The following RAD51B variants were observed in gnomAD, a reference collection of about 807,000 sequenced individuals.
RAD51B encodes the protein RAD51 paralog B.
Under a neutral mutation model 42.2 loss-of-function variants are expected in RAD51B, and 38 were observed. That is an observed-to-expected ratio of 0.90 (90% CI 0.70 to 1.18). RAD51B has a LOEUF of 1.18. RAD51B is among the 50% of genes most tolerant of loss of function. The pLI is 0.00. For synonymous variants in RAD51B, 154 were observed against 145.2 expected, an observed-to-expected ratio of 1.06 and a Z score of -0.43; for missense variants, 373 against 400.7, an observed-to-expected ratio of 0.93 and a Z score of 0.59.
intron 10 of RAD51B, among the ~76,000 whole-genome samples, chr14:68,510,958 G>A (rs1169346533): frequency 6.6e-6 from 1 of 152,178 alleles, no homozygotes; most frequent in Non-Finnish European, 1.5e-5. Flanking sequence ...GGAAGGGACA[G>A]GACAAGCAGC....
intron 7 of RAD51B, among the ~76,000 whole-genome samples, chr14:67,941,519 C>CT (rs1162811837): frequency 1.3e-5 from 2 of 152,174 alleles, no homozygotes; most frequent in Non-Finnish European, 2.9e-5. Flanking sequence ...TGCTATGCCT[C>CT]TGCCACAAGC....
chr14:68,443,066 T>A (rs1262399533), intron 9 of RAD51B, among the ~76,000 whole-genome samples: 3 of 152,192 alleles, frequency 2.0e-5, no homozygotes, highest in African/African-American at 4.8e-5. Context: ...TTACTTGGCC[T>A]CTTGCTTAAG....
At position 67,820,863 on chromosome 14, in the gene RAD51B, A is replaced by G. The variant is rs192123922; in HGVS notation, c.-3+1010A>G. Among the ~76,000 whole-genome samples, 586 of 152,328 alleles carry G rather than the reference A, an allele frequency of 3.8e-3. 2 individuals are homozygous for G. Among genetic ancestry groups the G allele is most frequent in the Non-Finnish European group, 5.1e-3 (350 of 68,038 alleles). Reference sequence around the variant, plus strand: ...TGAAGTAGTAAATTCATATGACTGTAAAACAAGGGTTTTAAGGAAATTAAG... The same window carrying G: ...TGAAGTAGTAAATTCATATGACTGTGAAACAAGGGTTTTAAGGAAATTAAG... On this transcript the variant is annotated intron_variant, in intron 1 of 10. Coordinates refer to ENST00000471583, the MANE Select transcript of RAD51B (RefSeq NM_133510.4).
chr14:68,605,273 G>A (rs143064743), intron 10 of RAD51B, among the ~76,000 whole-genome samples: 94 of 152,326 alleles, frequency 6.2e-4, no homozygotes, highest in African/African-American at 2.1e-3. Flanking sequence ...CAGAATGCTC[G>A]TTCCCTGGTG....
chr14:67,982,675 A>G (rs1278664222), intron 7 of RAD51B, among the ~76,000 whole-genome samples: 1 of 151,060 alleles, frequency 6.6e-6, no homozygotes, highest in African/African-American at 2.5e-5. Context: ...ATCTTTATCT[A>G]TCAATATTTT....
chr14:68,102,198 G>T (rs894371469), intron 7 of RAD51B, among the ~76,000 whole-genome samples: 1 of 152,208 alleles, frequency 6.6e-6, no homozygotes, highest in African/African-American at 2.4e-5. Context: ...CTCTGGGCCT[G>T]TGATGGGTGG....
chr14:68,035,956 T>C (rs1338548952), intron 7 of RAD51B, among the ~76,000 whole-genome samples: 1 of 152,214 alleles, frequency 6.6e-6, no homozygotes, highest in Non-Finnish European at 1.5e-5. Context: ...ATGATCTAGA[T>C]GGCAGTTTAT....
intron 7 of RAD51B, among the ~76,000 whole-genome samples, chr14:68,267,677 T>C (rs2139572163): frequency 6.6e-6 from 1 of 152,332 alleles, no homozygotes; most frequent in East Asian, 1.9e-4. Flanking sequence ...AAAAATATTT[T>C]GCTTATGGGC....
intron 7 of RAD51B, among the ~76,000 whole-genome samples, chr14:67,916,788 C>T (rs1352037911): frequency 1.3e-5 from 2 of 152,156 alleles, no homozygotes; most frequent in African/African-American, 4.8e-5. Context: ...CTTAATTCAA[C>T]AAATATTATT....
intron 9 of RAD51B, among the ~76,000 whole-genome samples, chr14:68,417,978 T>A (rs1376148787): frequency 6.6e-6 from 1 of 152,162 alleles, no homozygotes; most frequent in Non-Finnish European, 1.5e-5. Flanking sequence ...ATAGACCGTG[T>A]ACCTTTGCTA....
At chr14:68,568,324 A>C (rs1008585361) in intron 10 of RAD51B, among the ~76,000 whole-genome samples, 5 of 152,236 alleles carry the variant, frequency 3.3e-5, no homozygotes, top group African/African-American at 7.2e-5. Context: ...ATATTCCAGC[A>C]AAAAGGGACA....
At chr14:68,599,248 C>A (rs1294783350), downstream of RAD51B, among the ~76,000 whole-genome samples, 1 of 152,166 alleles carries the variant, frequency 6.6e-6, no homozygotes, top group Admixed American at 6.5e-5. Context: ...AAGGATGTTG[C>A]CATACGAAAC....
rs191816008 is a variant in RAD51B, at chr14:68,094,389, A to T, written c.757-197495A>T. ...CTCAAATACAGTGTGATAGTTTGGTATGCACTAGAGGGCCATGCTGTATCA... is the reference window on the plus strand; with the variant it reads ...CTCAAATACAGTGTGATAGTTTGGTTTGCACTAGAGGGCCATGCTGTATCA... On this transcript the variant is annotated intron_variant, in intron 7 of 10. Coordinates refer to ENST00000471583, the MANE Select transcript of RAD51B (RefSeq NM_133510.4). Among the ~76,000 whole-genome samples the T allele has an allele frequency of 2.0e-5, 3 of 152,322 alleles. No homozygotes were observed. The East Asian group carries it at 5.8e-4, about 29-fold the overall frequency.
chr14:68,067,766 CA>C (rs535541711), intron 7 of RAD51B, among the ~76,000 whole-genome samples: 1 of 150,688 alleles, frequency 6.6e-6, no homozygotes, highest in Non-Finnish European at 1.5e-5. Flanking sequence ...CCCATCTTTA[CA>C]AAAAATACAA....
chr14:68,459,813 TCCTACCA>T (rs2085798019), intron 9 of RAD51B, among the ~76,000 whole-genome samples: 1 of 152,208 alleles, frequency 6.6e-6, no homozygotes, highest in Non-Finnish European at 1.5e-5. Flanking sequence ...AGAAAGCCAG[TCCTACCA>T]CCTGTCCTTA....
intron 8 of RAD51B, among the ~76,000 whole-genome samples, chr14:68,362,635 A>G (rs1009187505): frequency 3.9e-5 from 6 of 152,110 alleles, no homozygotes; most frequent in Non-Finnish European, 7.4e-5. Flanking sequence ...GGATCACGAG[A>G]TCAGGAGATC....
intron 7 of RAD51B, among the ~76,000 whole-genome samples, chr14:68,284,026 AT>A (rs904885316): frequency 7.2e-5 from 11 of 151,782 alleles, no homozygotes; most frequent in Non-Finnish European, 1.0e-4. Context: ...AGCTGAGGAG[AT>A]TTTTTTTCAC....
In RAD51B at chr14:68,607,194, G is replaced by A. The variant is rs192124776; in HGVS notation, c.1037-3812G>A. Among the ~76,000 whole-genome samples the A allele has an allele frequency of 1.5e-3, 222 of 152,284 alleles. 1 individual carries two copies. The highest frequency in any genetic ancestry group is 2.7e-3 in the Non-Finnish European group (182 of 68,020). On this transcript the variant is annotated intron_variant, in intron 10 of 10. Coordinates refer to the RAD51B transcript ENST00000487861. Reference sequence around the variant, plus strand: ...CCCAGCCCCTCTGAGCCCGTGCAGAGGCTTAAGGGAGCTCCAGTGTTCCAG... The same window carrying A: ...CCCAGCCCCTCTGAGCCCGTGCAGAAGCTTAAGGGAGCTCCAGTGTTCCAG...
chr14:67,837,521 C>T (rs2041283371), intron 4 of RAD51B, among the ~76,000 whole-genome samples: 1 of 152,126 alleles, frequency 6.6e-6, no homozygotes, highest in Admixed American at 6.5e-5. Flanking sequence ...TACTTTGACT[C>T]CTTAGTAGGG....
Sources: gnomAD v4.1 joint callset for allele counts (sites outside exome capture counted in the v4.1 genomes callset) on GRCh38, gnomAD v4.1.1 for gene constraint, MANE v1.5 for transcripts, NCBI Gene and HGNC (gene_info 2026-07-23, HGNC 2026-07-21) for gene names.